Variants in USP24 observed in about 807,000 individuals in gnomAD.
The protein encoded by USP24 is ubiquitin carboxyl-terminal hydrolase 24.
USP24 carries 97 observed loss-of-function variants against 361.6 expected under a neutral mutation model. That is an observed-to-expected ratio of 0.27 (90% confidence interval 0.23 to 0.32). The LOEUF (loss-of-function observed/expected upper bound fraction) is 0.32, where lower values mean the gene tolerates loss of function less well. Among genes scored for constraint, USP24 ranks in the 10% least tolerant of loss-of-function variants. USP24 has a pLI of 1.00. For missense variants in USP24, 2,353 were observed against 3,165.6 expected (o/e 0.74, Z 6.16); for synonymous variants, 1,098 against 1,124.6 (o/e 0.98, Z 0.47).
intron 20 of USP24, 33 bp downstream of exon 20, chr1:55,145,965 T>G: frequency 1.7e-5 from 24 of 1,428,366 alleles, no homozygotes; most frequent in Non-Finnish European, 2.4e-5. Flanking sequence ...TACTTAAAAG[T>G]ACTGAAAAAA....
chr1:55,155,993 T>A (rs1438925051), intron 12 of USP24, among the ~76,000 whole-genome samples: 1 of 152,188 alleles, frequency 6.6e-6, no homozygotes, highest in Non-Finnish European at 1.5e-5. Flanking sequence ...TTGTAAACAA[T>A]CCCCTGTAAT....
chr1:55,146,249 GA>G (rs1221301468), intron 19 of USP24, 140 bp from the exon 20 acceptor site: 2 of 541,788 alleles, frequency 3.7e-6, no homozygotes, highest in African/African-American at 3.9e-5. Flanking sequence ...AAAATGCTTG[GA>G]ATTCTGAAAT....
intron 24 of USP24, among the ~76,000 whole-genome samples, chr1:55,140,184 T>C (rs1370837975): frequency 6.6e-6 from 1 of 151,950 alleles, no homozygotes; most frequent in African/African-American, 2.4e-5. Flanking sequence ...GTCCACCAAA[T>C]ATGAAATGAT....
At chr1:55,209,347 C>A (rs1165991741) in intron 1 of USP24, among the ~76,000 whole-genome samples, 2 of 152,122 alleles carry the variant, frequency 1.3e-5, no homozygotes, top group East Asian at 1.9e-4. Context: ...ACTGGAACCT[C>A]TTCTTGACTG....
Position 55,078,526 on chromosome 1 carries a change from C to T in USP24, c.7314+12G>A, listed in dbSNP as rs970474323. On this transcript the variant is annotated intron_variant, in intron 61 of 67. Coordinates refer to ENST00000294383, the MANE Select transcript of USP24 (RefSeq NM_015306.3). ...GGCTATCTGGCTATCACTCGTTTAA[C>T]TGAGGTCTTACCTTAATGAAATGCA... is the stretch of plus-strand genomic sequence containing the variant. 28 of 1,600,590 alleles carry T rather than the reference C, an allele frequency of 1.7e-5. No individual in the cohort carries two copies. The highest frequency in any genetic ancestry group is 2.4e-5 in the Non-Finnish European group (28 of 1,173,212).
At chr1:55,175,026 T>G (rs572942767) in intron 3 of USP24, among the ~76,000 whole-genome samples, 1 of 152,066 alleles carries the variant, frequency 6.6e-6, no homozygotes, top group Non-Finnish European at 1.5e-5. Flanking sequence ...TGAAGATAAA[T>G]CTTCATTTCA....
chr1:55,144,657 G>A (rs1047859869), intron 20 of USP24, among the ~76,000 whole-genome samples: 7 of 152,164 alleles, frequency 4.6e-5, no homozygotes, highest in South Asian at 2.1e-4. Context: ...AGATTTGGCC[G>A]GGTGCGGTGG....
At chr1:55,206,375 A>G (rs936674206) in intron 1 of USP24, among the ~76,000 whole-genome samples, 30 of 152,218 alleles carry the variant, frequency 2.0e-4, no homozygotes, top group African/African-American at 6.8e-4. Context: ...GTGGCAATTG[A>G]GCTAACCTTG....
chr1:55,130,183 T>C (rs1646551270), intron 31 of USP24, among the ~76,000 whole-genome samples: 1 of 152,188 alleles, frequency 6.6e-6, no homozygotes, highest in Admixed American at 6.5e-5. Context: ...AACTGAATAC[T>C]TTGGTTGGGC....
chr1:55,208,947 A>G (rs1290104648), intron 1 of USP24, among the ~76,000 whole-genome samples: 4 of 152,162 alleles, frequency 2.6e-5, no homozygotes, highest in Non-Finnish European at 5.9e-5. Flanking sequence ...AAAAAACAAA[A>G]CAAAACAAAA....
chr1:55,152,796 T>C (rs767477978), intron 16 of USP24, among the ~76,000 whole-genome samples: 3 of 152,186 alleles, frequency 2.0e-5, no homozygotes, highest in Non-Finnish European at 4.4e-5. Flanking sequence ...CCTGGTCACA[T>C]TTCAGTGTCA....
intron 3 of USP24, among the ~76,000 whole-genome samples, chr1:55,173,563 T>C (rs1570608320): frequency 6.6e-6 from 1 of 152,194 alleles, no homozygotes; most frequent in Non-Finnish European, 1.5e-5. Context: ...GAAAATACTA[T>C]GCAACAAATA....
At chr1:55,157,998 T>C (rs1647865259) in intron 10 of USP24, among the ~76,000 whole-genome samples, 2 of 152,230 alleles carry the variant, frequency 1.3e-5, no homozygotes, top group South Asian at 4.1e-4. Flanking sequence ...ACACTTCATA[T>C]GCAGAAGGAG....
intron 50 of USP24, 97 bp downstream of exon 50, chr1:55,096,401 A>G: frequency 9.4e-7 from 1 of 1,064,490 alleles, no homozygotes; most frequent in South Asian, 3.0e-5. Flanking sequence ...TAAAAATAAC[A>G]AAATCTGTTG....
chr1:55,093,011 G>A, intron 52 of USP24, 95 bp from the exon 53 acceptor site: 1 of 757,510 alleles, frequency 1.3e-6, no homozygotes, highest in Non-Finnish European at 2.0e-6. Flanking sequence ...TAGGTAAAAA[G>A]CACTTATAAA....
chr1:55,092,717 T>C lies in USP24; in HGVS notation c.6450+104A>G, dbSNP rs180774965. The C allele has an allele frequency of 2.1e-4, 178 of 851,318 alleles. 1 individual carries two copies. The East Asian group carries it at 5.3e-3, about 25-fold the overall frequency. 52.7% of individuals were successfully genotyped at this position (851,318 alleles called of 1,614,324 possible). A position where few individuals can be genotyped will look rare whatever the true frequency, so the allele number is the denominator to read the frequency against. ...CGGGAAAACCTTTTTGCATCTAACCTGAATGCTAACTACTGAGACTGAGGA... is the reference window on the plus strand; with the variant it reads ...CGGGAAAACCTTTTTGCATCTAACCCGAATGCTAACTACTGAGACTGAGGA... On this transcript the variant is annotated intron_variant, in intron 53 of 67. Coordinates refer to ENST00000294383, the MANE Select transcript of USP24 (RefSeq NM_015306.3).
intron 24 of USP24, among the ~76,000 whole-genome samples, chr1:55,139,724 C>A (rs1646835710): frequency 6.6e-6 from 1 of 152,058 alleles, no homozygotes; most frequent in Non-Finnish European, 1.5e-5. Flanking sequence ...AGAGGTACTA[C>A]CATTTTTTAA....
chr1:55,154,935 A>T (rs771851736), intron 12 of USP24, among the ~76,000 whole-genome samples, 157 bp from the exon 13 acceptor site: 13 of 152,170 alleles, frequency 8.5e-5, no homozygotes, highest in Non-Finnish European at 1.8e-4. Context: ...GCAAGACTAT[A>T]TGAAGCAACC....
intron 38 of USP24, among the ~76,000 whole-genome samples, chr1:55,116,036 G>A (rs1007816572): frequency 6.6e-6 from 1 of 152,134 alleles, no homozygotes; most frequent in Non-Finnish European, 1.5e-5. Flanking sequence ...CAGGCTAGGG[G>A]AGGGATAGCA....
Sources: allele counts gnomAD v4.1 joint callset (sites outside exome capture counted in the v4.1 genomes callset), GRCh38; gene constraint gnomAD v4.1.1; transcripts MANE v1.5; gene names NCBI Gene and HGNC (gene_info 2026-07-23, HGNC 2026-07-21).